Variants in MEF2C observed in about 807,000 individuals in gnomAD.
The protein encoded by MEF2C is myocyte-specific enhancer factor 2C.
A neutral mutation model predicts 50.5 loss-of-function variants in MEF2C; 6 were observed. The ratio of observed to expected loss-of-function variants is 0.12; its 90% CI spans 0.07 to 0.23. MEF2C has a LOEUF of 0.23. Ranked by LOEUF, MEF2C falls within the 10% of genes least tolerant of loss-of-function variation. The pLI is 1.00. For missense variants in MEF2C, 276 were observed against 605.0 expected, an observed-to-expected ratio of 0.46 and a Z score of 5.70; for synonymous variants, 183 against 228.0, an observed-to-expected ratio of 0.80 and a Z score of 1.78.
chr5:88,902,176 G>A (rs576703407), intron 1 of MEF2C, among the ~76,000 whole-genome samples: 8 of 145,484 alleles, frequency 5.5e-5, no homozygotes, highest in African/African-American at 1.9e-4. Flanking sequence ...AAATTTTCAA[G>A]TGCATGAAAT....
At chr5:88,901,631 T>A (rs1309409129) in intron 1 of MEF2C, among the ~76,000 whole-genome samples, 1 of 151,922 alleles carries the variant, frequency 6.6e-6, no homozygotes, top group Non-Finnish European at 1.5e-5. Context: ...TAATGTTAAA[T>A]ATTTAGAGCA....
Position 88,789,564 on chromosome 5 carries a change from ATAGT to A in MEF2C, c.258+15030_258+15033del, listed in dbSNP as rs1188278124. Among the ~76,000 whole-genome samples, 4 of 152,270 alleles carry A rather than the reference ATAGT, an allele frequency of 2.6e-5. 1 individual carries two copies. Among genetic ancestry groups the A allele is most frequent in the East Asian group, 1.9e-4 (1 of 5,190 alleles). ...TCTTACCCTAGAACAGTAGCTCTAAATAGTTATTCAGTTTATTTACTAAAACATA... is the reference window on the plus strand; with the variant it reads ...TCTTACCCTAGAACAGTAGCTCTAAATATTCAGTTTATTTACTAAAACATA... On this transcript the variant is annotated intron_variant, in intron 3 of 10. Coordinates refer to ENST00000504921, the MANE Select transcript of MEF2C (RefSeq NM_002397.5).
intron 10 of MEF2C, among the ~76,000 whole-genome samples, chr5:88,727,792 T>C (rs1030175737): frequency 8.5e-6 from 1 of 118,162 alleles, no homozygotes; most frequent in Non-Finnish European, 2.1e-5. Flanking sequence ...ATTTGTTTTA[T>C]ATGAAATAGT....
chr5:88,873,510 TTC>T (rs1377825326), intron 1 of MEF2C, among the ~76,000 whole-genome samples: 1 of 152,000 alleles, frequency 6.6e-6, no homozygotes, highest in Non-Finnish European at 1.5e-5. Context: ...AAGTCAAGAA[TTC>T]TCTGATTTTT....
intron 4 of MEF2C, among the ~76,000 whole-genome samples, chr5:88,757,830 C>T (rs1776052983): frequency 6.6e-6 from 1 of 152,132 alleles, no homozygotes; most frequent in Non-Finnish European, 1.5e-5. Context: ...GCAGGAGAAT[C>T]ACTTGAACAT....
intron 3 of MEF2C, among the ~76,000 whole-genome samples, chr5:88,788,371 T>G (rs1016687397): frequency 6.6e-6 from 1 of 151,844 alleles, no homozygotes; most frequent in Non-Finnish European, 1.5e-5. Flanking sequence ...TGGCTAATTT[T>G]TTTTTTTTTT....
At chr5:88,892,189 G>T (rs1834658173) in intron 1 of MEF2C, 1 of 151,974 alleles carries the variant, frequency 6.6e-6, no homozygotes, top group African/African-American at 2.4e-5. Flanking sequence ...ATGGAAGAAG[G>T]CCTCACCTTC....
chr5:88,736,580 C>T (rs1313579358), intron 6 of MEF2C: 1 of 964,788 alleles, frequency 1.0e-6, no homozygotes, highest in Non-Finnish European at 1.2e-6. Flanking sequence ...AGGGGTTCTT[C>T]ACCAGGCCTT....
intron 6 of MEF2C, chr5:88,734,579 T>TTTTTTTTG: frequency 1.1e-6 from 1 of 946,852 alleles, no homozygotes; most frequent in Non-Finnish European, 1.2e-6. Flanking sequence ...TTTTTTTTTT[T>TTTTTTTTG]TTTTTTTTTT....
chr5:88,831,174 T>C (rs1268029290), intron 1 of MEF2C, among the ~76,000 whole-genome samples: 2 of 152,120 alleles, frequency 1.3e-5, no homozygotes, highest in Admixed American at 1.3e-4. Flanking sequence ...CCTATAAGTG[T>C]TGAACACATA....
At chr5:88,894,625 A>C (rs1834925918) in intron 1 of MEF2C, among the ~76,000 whole-genome samples, 1 of 152,218 alleles carries the variant, frequency 6.6e-6, no homozygotes, top group Non-Finnish European at 1.5e-5. Context: ...GATGAAAACT[A>C]AGATTTGAGT....
intron 2 of MEF2C, chr5:88,817,793 A>G (rs1218095776): frequency 6.6e-6 from 1 of 151,986 alleles, no homozygotes; most frequent in African/African-American, 2.4e-5. Flanking sequence ...GCACAAATAA[A>G]TTTGGGCTTA....
At chr5:88,869,314 TACAC>T (rs60170712) in intron 1 of MEF2C, among the ~76,000 whole-genome samples, 9 of 94,602 alleles carry the variant, frequency 9.5e-5, no homozygotes, top group Admixed American at 1.3e-4. Context: ...TATATATATA[TACAC>T]ATATAGCTTC....
intron 6 of MEF2C, among the ~76,000 whole-genome samples, chr5:88,747,333 C>CTTTTTTTTTTTTTTTTTT (rs950842424): frequency 4.6e-5 from 1 of 21,748 alleles, no homozygotes; most frequent in African/African-American, 1.1e-4. Context: ...TTTTTTACTA[C>CTTTTTTTTTTTTTTTTTT]TTTTTTTTTT....
chr5:88,869,294 T>TAC (rs1391800642), intron 1 of MEF2C, among the ~76,000 whole-genome samples: 3 of 112,870 alleles, frequency 2.7e-5, no homozygotes, highest in East Asian at 2.4e-4. Context: ...TATATATATA[T>TAC]ACACATATAT....
chr5:88,818,979 C>A (rs185018963), intron 2 of MEF2C, among the ~76,000 whole-genome samples: 1 of 151,916 alleles, frequency 6.6e-6, no homozygotes, highest in African/African-American at 2.4e-5. Context: ...GGGTGCTTTA[C>A]ATTTATTGCT....
chr5:88,859,360 T>G (rs1824681597), intron 1 of MEF2C, among the ~76,000 whole-genome samples: 1 of 152,252 alleles, frequency 6.6e-6, no homozygotes, highest in Non-Finnish European at 1.5e-5. Context: ...ATTCAAGCTC[T>G]TCTGTTAAGA....
chr5:88,722,984 C>A, intron 10 of MEF2C, 59 bp from the exon 11 acceptor site: 1 of 1,385,058 alleles, frequency 7.2e-7, no homozygotes, highest in Non-Finnish European at 9.7e-7. Flanking sequence ...CCCAGGAACT[C>A]ACAATTAAAT....
chr5:88,722,934 G>A lies in MEF2C; in HGVS notation c.1101-9C>T. The A allele has an allele frequency of 6.3e-7, 1 of 1,576,330 alleles. No homozygotes were observed. Among genetic ancestry groups the A allele is most frequent in the Non-Finnish European group, 8.6e-7 (1 of 1,158,324 alleles). ...GAGTGCTAGTGCAAGCTCTGTAGGA[G>A]GAAAGGAAACCCAGTTACAGATGAA... On this transcript the variant is annotated splice_polypyrimidine_tract_variant and intron_variant, in intron 10 of 10. Transcript: ENST00000504921.
Sources: gnomAD v4.1 joint callset for allele counts (sites outside exome capture counted in the v4.1 genomes callset) on GRCh38, gnomAD v4.1.1 for gene constraint, MANE v1.5 for transcripts, NCBI Gene and HGNC (gene_info 2026-07-23, HGNC 2026-07-21) for gene names.